Variants in SH3RF3 observed in about 807,000 individuals in gnomAD.
SH3RF3 encodes the protein SH3 domain containing ring finger 3, also known as E3 ubiquitin-protein ligase SH3RF3.
SH3RF3 carries 29 observed loss-of-function variants against 66.3 expected under a neutral mutation model. The ratio of observed to expected loss-of-function variants is 0.44; its 90% CI spans 0.33 to 0.60. SH3RF3 has a LOEUF of 0.60. Ranked by LOEUF, SH3RF3 falls within the 20% of genes least tolerant of loss-of-function variation. SH3RF3 has a pLI of 0.04. For synonymous variants in SH3RF3, 583 were observed against 532.0 expected (o/e 1.10, Z -1.32); for missense variants, 1,194 against 1,190.9 (o/e 1.00, Z -0.04).
intron 3 of SH3RF3, among the ~76,000 whole-genome samples, chr2:109,393,495 GA>G (rs780620129): frequency 2.6e-5 from 4 of 152,324 alleles, no homozygotes; most frequent in Admixed American, 2.0e-4. Context: ...AACTCTTTCA[GA>G]GCAGGTCTTT....
intron 1 of SH3RF3, among the ~76,000 whole-genome samples, chr2:109,152,689 C>A (rs1456572784): frequency 6.6e-6 from 1 of 152,136 alleles, no homozygotes; most frequent in Non-Finnish European, 1.5e-5. Context: ...GACTGCTGAA[C>A]CCAGCTCATC....
At chr2:109,411,853 G>A (rs1676599813) in intron 4 of SH3RF3, among the ~76,000 whole-genome samples, 1 of 152,226 alleles carries the variant, frequency 6.6e-6, no homozygotes, top group Non-Finnish European at 1.5e-5. Context: ...ATAGCTTACT[G>A]TTAAATCCCA....
intron 1 of SH3RF3, among the ~76,000 whole-genome samples, chr2:109,253,477 G>C (rs955122882): frequency 6.6e-6 from 1 of 152,298 alleles, no homozygotes; most frequent in East Asian, 1.9e-4. Context: ...TTGCTGCCCA[G>C]CTCTCATGTT....
chr2:109,333,043 G>GT (rs1237679387), intron 1 of SH3RF3, among the ~76,000 whole-genome samples: 1 of 152,242 alleles, frequency 6.6e-6, no homozygotes. Context: ...GGGAATGCGC[G>GT]TGAGTGCAGA....
intron 1 of SH3RF3, among the ~76,000 whole-genome samples, chr2:109,212,986 C>T (rs1024133867): frequency 3.3e-5 from 5 of 152,200 alleles, no homozygotes; most frequent in African/African-American, 1.2e-4. Context: ...CCCAGGGAAG[C>T]CCTGTGCTGA....
chr2:109,482,879 TC>T (rs1461758501), intron 8 of SH3RF3, among the ~76,000 whole-genome samples: 2 of 152,246 alleles, frequency 1.3e-5, no homozygotes, highest in Non-Finnish European at 2.9e-5. Context: ...TGCCTCCCGT[TC>T]CCTGCTATTT....
intron 1 of SH3RF3, among the ~76,000 whole-genome samples, chr2:109,249,101 A>C (rs190354500): frequency 6.6e-6 from 1 of 152,206 alleles, no homozygotes; most frequent in African/African-American, 2.4e-5. Flanking sequence ...GGCTGGTCTT[A>C]AACTCCTGGC....
At chr2:109,460,267 G>A (rs1307445187) in intron 8 of SH3RF3, among the ~76,000 whole-genome samples, 2 of 152,128 alleles carry the variant, frequency 1.3e-5, no homozygotes, top group Non-Finnish European at 2.9e-5. Flanking sequence ...AGAGTGAATA[G>A]TATCCATTCC....
chr2:109,141,866 G>T (rs186019774), intron 1 of SH3RF3, among the ~76,000 whole-genome samples: 50 of 152,236 alleles, frequency 3.3e-4, no homozygotes, highest in African/African-American at 1.2e-3. Flanking sequence ...GGACCCCCCA[G>T]ATGTGCCAGT....
At chr2:109,152,207 C>T (rs1459078987) in intron 1 of SH3RF3, among the ~76,000 whole-genome samples, 1 of 152,246 alleles carries the variant, frequency 6.6e-6, no homozygotes, top group Non-Finnish European at 1.5e-5. Context: ...TATCACAAAA[C>T]TGTCACCTGT....
At position 109,334,027 on chromosome 2, in the gene SH3RF3, C is replaced by T. The variant is rs1215790149; in HGVS notation, c.574-13647C>T. On this transcript the variant is annotated intron_variant, in intron 1 of 9. Transcript: ENST00000309415. The stretch of plus-strand genomic sequence containing the variant: ...AGGTTTCTAAGACTTTAGGAAAGTC[C>T]AGTCGCTTCCTCAAATCACAGACAG... Among the ~76,000 whole-genome samples the T allele has an allele frequency of 2.0e-5, 3 of 152,202 alleles. No homozygotes were observed. The East Asian group carries it at 5.8e-4, about 29-fold the overall frequency.
intron 2 of SH3RF3, among the ~76,000 whole-genome samples, chr2:109,357,408 C>T (rs1164366144): frequency 6.6e-6 from 1 of 152,204 alleles, no homozygotes; most frequent in Non-Finnish European, 1.5e-5. Context: ...GTCTCGATCT[C>T]CTGACCTCGT....
chr2:109,177,090 G>A (rs1677933646), intron 1 of SH3RF3, among the ~76,000 whole-genome samples: 1 of 152,180 alleles, frequency 6.6e-6, no homozygotes, highest in Non-Finnish European at 1.5e-5. Context: ...GAGACAATAA[G>A]CTCTGTTTAC....
chr2:109,369,986 A>T (rs1328351173), intron 2 of SH3RF3, among the ~76,000 whole-genome samples: 1 of 152,200 alleles, frequency 6.6e-6, no homozygotes, highest in South Asian at 2.1e-4. Context: ...TCTCTTGGCC[A>T]TCTCCTCCTT....
chr2:109,296,062 C>T (rs1208459184), intron 1 of SH3RF3, among the ~76,000 whole-genome samples: 1 of 152,046 alleles, frequency 6.6e-6, no homozygotes, highest in Non-Finnish European at 1.5e-5. Context: ...CCCCAGGATC[C>T]CTTCCCTGCC....
intron 9 of SH3RF3, among the ~76,000 whole-genome samples, chr2:109,496,994 C>G (rs1679276800): frequency 6.6e-6 from 1 of 152,150 alleles, no homozygotes; most frequent in Admixed American, 6.5e-5. Context: ...AAGGCAGCTT[C>G]TAGCAACTGG....
rs185894704 is a variant in SH3RF3, at chr2:109,238,270, T to A, written c.573+108157T>A. Among the ~76,000 whole-genome samples, 1,123 of 152,274 alleles carry A rather than the reference T, an allele frequency of 7.4e-3. 9 individuals carry two copies. Among genetic ancestry groups the A allele is most frequent in the South Asian group, 0.024 (115 of 4,824 alleles). On this transcript the variant is annotated intron_variant, in intron 1 of 9. Transcript: ENST00000309415. ...AATAGAAAAGTGTTGGCTCTAAAAA[T>A]GAAGCAGGATACCAGATGGCAAGTA...
chr2:109,215,140 G>A (rs754436180), intron 1 of SH3RF3, among the ~76,000 whole-genome samples: 11 of 152,140 alleles, frequency 7.2e-5, no homozygotes, highest in Non-Finnish European at 1.0e-4. Flanking sequence ...AAGCATCTAC[G>A]TGTCTTTCTG....
chr2:109,325,045 GT>G (rs1239430639), intron 1 of SH3RF3, among the ~76,000 whole-genome samples: 4 of 127,052 alleles, frequency 3.1e-5, no homozygotes, highest in Admixed American at 1.5e-4. Flanking sequence ...AATGTGTGTG[GT>G]TTTTGTGTCT....
Sources: allele counts gnomAD v4.1 joint callset (sites outside exome capture counted in the v4.1 genomes callset), GRCh38; gene constraint gnomAD v4.1.1; transcripts MANE v1.5; gene names NCBI Gene and HGNC (gene_info 2026-07-23, HGNC 2026-07-21).